The following RNPEPL1 variants were observed in gnomAD, a reference collection of about 807,000 sequenced individuals.
The protein encoded by RNPEPL1 is arginyl aminopeptidase like 1.
In RNPEPL1, 46 loss-of-function variants were observed where a neutral mutation model predicts 69.0. The observed-to-expected ratio is 0.67, with a 90% confidence interval of 0.53 to 0.85. The LOEUF is 0.85. Among genes scored for constraint, RNPEPL1 ranks in the 40% least tolerant of loss-of-function variants. The pLI is 0.00. For missense variants in RNPEPL1, 869 were observed against 992.5 expected (o/e 0.88, Z 1.67); for synonymous variants, 525 against 454.1 (o/e 1.16, Z -1.98).
rs890970592 is a variant in RNPEPL1, at chr2:240,577,762, C to A, written c.2048C>A (p.Pro683His). The A allele has an allele frequency of 4.3e-6, 7 of 1,612,114 alleles. No individual in the cohort carries two copies. The African/African-American group carries it at 9.3e-5, about 22-fold the overall frequency. Residue 683 changes from proline to histidine, a missense_variant, in exon 11 of 11, where the codon CCC (proline) becomes CAC (histidine). Physicochemically the swap from Pro to His is moderately conservative, Grantham distance 77 (BLOSUM62 -2). Coordinates refer to ENST00000270357, the MANE Select transcript of RNPEPL1 (RefSeq NM_018226.6). ...LSQGLGSSTE[P>H]ASEPSTELGK... ...CAGGGCCTGGGCTCCAGCACAGAGCCCGCCTCAGAGCCCAGCACGGAGCTG... is the reference window on the plus strand; with the variant it reads ...CAGGGCCTGGGCTCCAGCACAGAGCACGCCTCAGAGCCCAGCACGGAGCTG...
chr2:240,572,882 C>T (rs376586570), intron 2 of RNPEPL1, among the ~76,000 whole-genome samples: 25 of 152,214 alleles, frequency 1.6e-4, no homozygotes, highest in Non-Finnish European at 2.2e-4. Context: ...TCACCGGGCC[C>T]GAACTTGGCA....
intron 4 of RNPEPL1, 51 bp from the exon 5 acceptor site, chr2:240,574,062 G>A (rs750401571): frequency 1.9e-6 from 3 of 1,539,940 alleles, no homozygotes; most frequent in Non-Finnish European, 2.7e-6. Context: ...GGTGTGCAGG[G>A]TGGGAGTCTG....
chr2:240,571,735 G>A (rs533634313), intron 1 of RNPEPL1, among the ~76,000 whole-genome samples: 104 of 151,798 alleles, frequency 6.9e-4, no homozygotes, highest in Non-Finnish European at 1.0e-3. Flanking sequence ...TGCTGTGAGC[G>A]CACCCATTCC....
Position 240,572,466 on chromosome 2 carries a change from C to G in RNPEPL1, c.572C>G (p.Pro191Arg). 1 of 1,536,288 alleles carries G rather than the reference C, an allele frequency of 6.5e-7. No individual in the cohort carries two copies. Among genetic ancestry groups the G allele is most frequent in the Non-Finnish European group, 8.7e-7 (1 of 1,146,896 alleles). Residue 191 changes from proline to arginine, a missense_variant, in exon 2 of 11, where the codon CCC (proline) becomes CGC (arginine). Pro to Arg is a moderately radical substitution (Grantham distance 103). Around this residue, in one of 2 missense-constraint regions of RNPEPL1, gnomAD observed 610 missense variants for 790.9 expected, o/e 0.77. Transcript: ENST00000270357. Reference protein sequence around the residue: ...DPELTYGCAKPFVFTQGHSVC... With the variant: ...DPELTYGCAKRFVFTQGHSVC... ...GAGCTGACCTATGGCTGCGCCAAGC[C>G]CTTCGTCTTCACCCAGGGCCACTCC... is the stretch of plus-strand genomic sequence containing the variant.
Position 240,575,156 on chromosome 2 carries a change from T to C in RNPEPL1, c.1401+14T>C, listed in dbSNP as rs751555059. ...GACTTTCTCCGAGTGAGCAGCCCCCTGCCCGGGACGGCCCTGCTGCCATCT... is the reference window on the plus strand; with the variant it reads ...GACTTTCTCCGAGTGAGCAGCCCCCCGCCCGGGACGGCCCTGCTGCCATCT... On this transcript the variant is annotated intron_variant, in intron 7 of 10. Transcript: ENST00000270357. 5.0e-6 allele frequency: 8 copies of C among 1,602,502 alleles called. No homozygotes were observed. Among genetic ancestry groups the C allele is most frequent in the Non-Finnish European group, 6.8e-6 (8 of 1,170,306 alleles).
intron 1 of RNPEPL1, among the ~76,000 whole-genome samples, chr2:240,569,741 C>G (rs1215050883): frequency 1.3e-5 from 2 of 152,214 alleles, no homozygotes; most frequent in Non-Finnish European, 2.9e-5. Flanking sequence ...TGGAGCAGGG[C>G]CTTTCCTGCC....
chr2:240,571,314 C>T (rs1223049887), intron 1 of RNPEPL1, among the ~76,000 whole-genome samples: 1 of 152,190 alleles, frequency 6.6e-6, no homozygotes, highest in Non-Finnish European at 1.5e-5. Context: ...ATCCTCCAGG[C>T]CTCAGCTGTG....
At chr2:240,573,328 T>C in intron 3 of RNPEPL1, 67 bp downstream of exon 3, 1 of 1,486,148 alleles carries the variant, frequency 6.7e-7, no homozygotes. Context: ...CGGGGGTCTG[T>C]GGCCTGTGTC....
rs777178847 is a variant in RNPEPL1, at chr2:240,576,572, G to T, written c.1548G>T (p.Pro516=). The T allele has an allele frequency of 6.2e-7, 1 of 1,612,882 alleles. No homozygotes were observed. The highest frequency in any genetic ancestry group is 1.1e-5 in the South Asian group (1 of 91,070). The part of the protein sequence containing the change: ...EFERWLNATG[P]PLAEPDLSQG... The stretch of plus-strand genomic sequence containing the variant: ...AGCGCTGGCTCAATGCCACAGGCCC[G>T]CCGCTGGCTGAGCCGGACCTGTCTC... Residue 516 remains proline (P), a synonymous_variant, in exon 9 of 11, where the codon CCG becomes CCT. Transcript: ENST00000270357.
chr2:240,575,530 G>C lies in RNPEPL1; in HGVS notation c.1430G>C (p.Ser477Thr). ...RAYVEKYKFT[S>T]VVAQDLLDSF... ...TATGTGGAGAAGTACAAGTTCACCAGCGTGGTGGCCCAGGACCTGCTGGAC... is the reference window on the plus strand; with the variant it reads ...TATGTGGAGAAGTACAAGTTCACCACCGTGGTGGCCCAGGACCTGCTGGAC... The change falls in exon 8 of 11, where the codon AGC becomes ACC. Residue 477 changes from serine (S) to threonine (T), a missense_variant. Ser to Thr is a moderately conservative substitution (Grantham distance 58). Transcript: ENST00000270357. 1 of 1,613,570 alleles carries C rather than the reference G, an allele frequency of 6.2e-7. No individual in the cohort carries two copies. Among genetic ancestry groups the C allele is most frequent in the Non-Finnish European group, 8.5e-7 (1 of 1,179,996 alleles).
At position 240,575,483 on chromosome 2, in the gene RNPEPL1, C is replaced by T. The variant is rs779686375; in HGVS notation, c.1402-19C>T. 3 of 1,603,146 alleles carry T rather than the reference C, an allele frequency of 1.9e-6. No homozygotes were observed. In the Admixed American group the frequency reaches 5.0e-5, roughly 27 times the overall value. On this transcript the variant is annotated intron_variant, in intron 7 of 10. Coordinates refer to ENST00000270357, the MANE Select transcript of RNPEPL1 (RefSeq NM_018226.6). ...CCCCACCCTTCCAGGCCTGCTGAGG[C>T]CCCACCTCTGCCACACAGGCCTATG...
Position 240,576,738 on chromosome 2 carries a change from C to T in RNPEPL1, c.1714C>T (p.Leu572Phe). 1 of 1,612,916 alleles carries T rather than the reference C, an allele frequency of 6.2e-7. No individual in the cohort carries two copies. The highest frequency in any genetic ancestry group is 8.5e-7 in the Non-Finnish European group (1 of 1,179,900). The change falls in exon 9 of 11, where the codon CTC becomes TTC. Residue 572 changes from leucine to phenylalanine, a missense_variant. By Grantham distance (22) the Leu-to-Phe change is conservative. Around this residue, in one of 2 missense-constraint regions of RNPEPL1, gnomAD observed 610 missense variants for 790.9 expected, o/e 0.77. Coordinates refer to ENST00000270357, the MANE Select transcript of RNPEPL1 (RefSeq NM_018226.6). ...TFQTALFLDR[L>F]LDGSPLPQEV... Reference sequence around the variant, plus strand: ...CCAGACAGCACTCTTCCTGGACCGGCTCCTGGATGGGTCCCCGCTGCCGCA... The same window carrying T: ...CCAGACAGCACTCTTCCTGGACCGGTTCCTGGATGGGTCCCCGCTGCCGCA...
At chr2:240,576,331 C>T (rs1305348424) in intron 8 of RNPEPL1, 1 of 599,918 alleles carries the variant, frequency 1.7e-6, no homozygotes, top group Non-Finnish European at 2.9e-6. Context: ...GTCTCTGCTT[C>T]CCTGTACCCC....
chr2:240,578,587 C>T lies in RNPEPL1; in HGVS notation c.*695C>T, dbSNP rs1429631335. 2.6e-5 allele frequency: 4 copies of T among 152,504 alleles called. No individual in the cohort carries two copies. Among genetic ancestry groups the T allele is most frequent in the African/African-American group, 4.8e-5 (2 of 41,436 alleles). The allele number at this position is 152,504 out of a possible 1,614,324, so 9.4% of individuals were successfully genotyped here. On this transcript the variant is annotated 3_prime_UTR_variant, in exon 11 of 11. Transcript: ENST00000270357. ...GGAGGCACAGGGGCAAAGCAATACC[C>T]CAGGGAAAGTGGGAGGTGGTGCTGG...
intron 6 of RNPEPL1, 164 bp from the exon 7 acceptor site, chr2:240,574,866 G>A (rs974451310): frequency 2.5e-5 from 17 of 687,962 alleles, no homozygotes; most frequent in African/African-American, 1.1e-4. Context: ...AGTCTTCCCC[G>A]AGGCCCTGCC....
At chr2:240,575,316 T>G (rs956289559) in intron 7 of RNPEPL1, 174 bp downstream of exon 7, 2 of 729,454 alleles carry the variant, frequency 2.7e-6, no homozygotes, top group South Asian at 1.7e-5. Flanking sequence ...CCACCTCCCC[T>G]TCTGCCACCC....
At position 240,572,471 on chromosome 2, in the gene RNPEPL1, G is replaced by C. The variant is rs547898740; in HGVS notation, c.577G>C (p.Val193Leu). 6.5e-7 allele frequency: 1 copy of C among 1,536,262 alleles called. No individual in the cohort carries two copies. The highest frequency in any genetic ancestry group is 2.0e-5 in the Admixed American group (1 of 51,002). Residue 193 changes from valine (V) to leucine (L), a missense_variant, in exon 2 of 11, where the codon GTC becomes CTC. Val to Leu is a conservative substitution (Grantham distance 32). Coordinates refer to ENST00000270357, the MANE Select transcript of RNPEPL1 (RefSeq NM_018226.6). ...ELTYGCAKPF[V>L]FTQGHSVCNR... The stretch of plus-strand genomic sequence containing the variant: ...GACCTATGGCTGCGCCAAGCCCTTC[G>C]TCTTCACCCAGGGCCACTCCGTGTG...
intron 3 of RNPEPL1, 152 bp downstream of exon 3, chr2:240,573,413 C>CGCCGGGGCCCTGCCT: frequency 1.3e-6 from 1 of 750,098 alleles, no homozygotes; most frequent in South Asian, 1.9e-5. Flanking sequence ...TTGGTGCCAC[C>CGCCGGGGCCCTGCCT]GCCAGGGCCC....
rs554523615 is a variant in RNPEPL1, at chr2:240,572,988, G to A, written c.670-122G>A. ...CGGAGAGAAGTTCTCTGACAGAAAC[G>A]TTCCCTGATGGGGATGTAGGGTTTC... On this transcript the variant is annotated intron_variant, in intron 2 of 10. Transcript: ENST00000270357. 125 of 1,175,164 alleles carry A rather than the reference G, an allele frequency of 1.1e-4. No individual in the cohort carries two copies. The Admixed American group carries it at 2.1e-3, about 19-fold the overall frequency. 72.8% of individuals were successfully genotyped at this position (1,175,164 alleles called of 1,614,324 possible).
Sources: allele counts gnomAD v4.1 joint callset (sites outside exome capture counted in the v4.1 genomes callset), GRCh38; gene constraint gnomAD v4.1.1; regional missense constraint gnomAD v4.1.1; transcripts MANE v1.5; gene names NCBI Gene and HGNC (gene_info 2026-07-23, HGNC 2026-07-21).